TAFA4: variants seen among roughly 807,000 people sequenced by gnomAD.
The protein encoded by TAFA4 is chemokine-like protein TAFA-4.
TAFA4 carries 20 observed loss-of-function variants against 21.1 expected under a neutral mutation model. That is an observed-to-expected ratio of 0.95 (90% CI 0.67 to 1.38). TAFA4 has a LOEUF of 1.38. Ranked by LOEUF, TAFA4 falls within the 40% of genes most tolerant of loss-of-function variation. The pLI is 0.00. For missense variants in TAFA4, 211 were observed against 180.9 expected, an observed-to-expected ratio of 1.17 and a Z score of -0.95; for synonymous variants, 71 against 67.4, an observed-to-expected ratio of 1.05 and a Z score of -0.26.
chr3:68,904,347 C>T lies in TAFA4; in HGVS notation c.-122-19037G>A, dbSNP rs112134038. ...GGAAACCGGGAGAGCCATAGGCTAGCGAGTTGCTCAGTAAACAGCTGTGAG... is the reference window on the plus strand; with the variant it reads ...GGAAACCGGGAGAGCCATAGGCTAGTGAGTTGCTCAGTAAACAGCTGTGAG... On this transcript the variant is annotated intron_variant, in intron 1 of 5. Transcript: ENST00000295569. Among the ~76,000 whole-genome samples, 88 of 152,240 alleles carry T rather than the reference C, an allele frequency of 5.8e-4. 2 individuals carry two copies. Among genetic ancestry groups the T allele is most frequent in the African/African-American group, 2.0e-3 (84 of 41,550 alleles).
At chr3:68,910,851 C>A (rs2089954695) in intron 1 of TAFA4, among the ~76,000 whole-genome samples, 1 of 152,164 alleles carries the variant, frequency 6.6e-6, no homozygotes, top group African/African-American at 2.4e-5. Context: ...ATTGTACCAA[C>A]CTCATAGGTT....
chr3:68,808,190 G>A (rs1703745725), intron 3 of TAFA4, among the ~76,000 whole-genome samples: 1 of 152,130 alleles, frequency 6.6e-6, no homozygotes. Flanking sequence ...GAACACACAG[G>A]AAAGCAGAGT....
intron 3 of TAFA4, among the ~76,000 whole-genome samples, chr3:68,803,794 A>ATTTTTTTTTTTTT (rs1469358679): frequency 1.7e-5 from 1 of 58,798 alleles, no homozygotes; most frequent in African/African-American, 6.3e-5. Flanking sequence ...TACATCTCTG[A>ATTTTTTTTTTTTT]TTCTTTTTTT....
chr3:68,758,842 T>C (rs1014566079), intron 3 of TAFA4, among the ~76,000 whole-genome samples: 2 of 152,184 alleles, frequency 1.3e-5, no homozygotes, highest in African/African-American at 4.8e-5. Flanking sequence ...TAACATTGTA[T>C]TAGTTAAGGT....
At chr3:68,800,032 T>C (rs913408050) in intron 3 of TAFA4, among the ~76,000 whole-genome samples, 1 of 152,084 alleles carries the variant, frequency 6.6e-6, no homozygotes, top group African/African-American at 2.4e-5. Flanking sequence ...TGTTACTGTC[T>C]CCCATTGCCC....
At chr3:68,824,953 T>C (rs1012178718) in intron 3 of TAFA4, among the ~76,000 whole-genome samples, 10 of 152,176 alleles carry the variant, frequency 6.6e-5, no homozygotes, top group African/African-American at 2.4e-4. Context: ...ACTTACCTCT[T>C]GGGTGCAAAG....
In TAFA4 at chr3:68,775,898, A is replaced by G. The variant is rs371282808; in HGVS notation, c.131-22880T>C. On this transcript the variant is annotated intron_variant, in intron 3 of 5. Coordinates refer to ENST00000295569, the MANE Select transcript of TAFA4 (RefSeq NM_182522.5). ...ACACATACTGTCCAGCATTCAATAA[A>G]AAATGATGAGATTCACACAAGAAAG... Among the ~76,000 whole-genome samples, 7 of 152,292 alleles carry G rather than the reference A, an allele frequency of 4.6e-5. No individual in the cohort carries two copies. In the South Asian group the frequency reaches 6.2e-4, roughly 14 times the overall value.
At chr3:68,855,895 A>G (rs1368880379) in intron 3 of TAFA4, among the ~76,000 whole-genome samples, 4 of 152,118 alleles carry the variant, frequency 2.6e-5, no homozygotes, top group South Asian at 2.1e-4. Flanking sequence ...GAAAGAGCCA[A>G]GCTCACTGCC....
At chr3:68,901,834 G>A (rs2089846181) in intron 1 of TAFA4, among the ~76,000 whole-genome samples, 1 of 152,102 alleles carries the variant, frequency 6.6e-6, no homozygotes, top group Non-Finnish European at 1.5e-5. Flanking sequence ...CCAAGGCTTG[G>A]GTTCTTGTCC....
At chr3:68,881,897 T>G (rs1183458848) in intron 2 of TAFA4, among the ~76,000 whole-genome samples, 1 of 152,268 alleles carries the variant, frequency 6.6e-6, no homozygotes, top group East Asian at 1.9e-4. Flanking sequence ...CCCAGTCCCC[T>G]ACTCCACGAA....
intron 1 of TAFA4, among the ~76,000 whole-genome samples, chr3:68,917,061 T>G (rs769842932): frequency 1.3e-5 from 2 of 152,194 alleles, no homozygotes; most frequent in Non-Finnish European, 2.9e-5. Context: ...TCTTCCACCC[T>G]GTATTGCATA....
At chr3:68,837,885 C>A (rs1178464253) in intron 3 of TAFA4, among the ~76,000 whole-genome samples, 1 of 150,992 alleles carries the variant, frequency 6.6e-6, no homozygotes, top group African/African-American at 2.4e-5. Flanking sequence ...TTATTTAATT[C>A]TTTTTTAATT....
intron 4 of TAFA4, among the ~76,000 whole-genome samples, chr3:68,747,082 C>T (rs990396294): frequency 2.6e-5 from 4 of 152,158 alleles, no homozygotes; most frequent in African/African-American, 7.2e-5. Context: ...TAACTCAAAA[C>T]GAGAGGTTGT....
At position 68,813,180 on chromosome 3, in the gene TAFA4, G is replaced by A. The variant is rs533431386; in HGVS notation, c.131-60162C>T. On this transcript the variant is annotated intron_variant, in intron 3 of 5. Coordinates refer to ENST00000295569, the MANE Select transcript of TAFA4 (RefSeq NM_182522.5). ...CTCTGGGACACATTCAAAGCAGTGT[G>A]TAGAGGGAAATTTATAGCACTAAAT... Among the ~76,000 whole-genome samples, 4 of 152,128 alleles carry A rather than the reference G, an allele frequency of 2.6e-5. No individual in the cohort carries two copies. The South Asian group carries it at 8.4e-4, about 32-fold the overall frequency.
At chr3:68,885,556 G>A (rs2106957508) in intron 1 of TAFA4, among the ~76,000 whole-genome samples, 1 of 152,254 alleles carries the variant, frequency 6.6e-6, no homozygotes, top group Admixed American at 6.5e-5. Flanking sequence ...AGAACTTTCT[G>A]CAGCAGGAAG....
chr3:68,911,414 C>T (rs1009009252), intron 1 of TAFA4, among the ~76,000 whole-genome samples: 1 of 152,230 alleles, frequency 6.6e-6, no homozygotes, highest in Admixed American at 6.5e-5. Context: ...ACTTATGTGT[C>T]AAGCACTGTG....
chr3:68,837,684 A>G (rs893253474), intron 3 of TAFA4, among the ~76,000 whole-genome samples: 1 of 152,194 alleles, frequency 6.6e-6, no homozygotes, highest in African/African-American at 2.4e-5. Context: ...TAGAAATATT[A>G]TTTTTAAAAA....
intron 3 of TAFA4, among the ~76,000 whole-genome samples, chr3:68,788,569 C>T (rs1703304212): frequency 6.6e-6 from 1 of 152,122 alleles, no homozygotes. Flanking sequence ...AGCTTTTCAC[C>T]TATGTTTTCC....
At chr3:68,841,760 T>C (rs546398872) in intron 3 of TAFA4, among the ~76,000 whole-genome samples, 4 of 151,984 alleles carry the variant, frequency 2.6e-5, no homozygotes, top group Admixed American at 6.6e-5. Flanking sequence ...TGTGTTCTCA[T>C]TGTTCAACTC....
Sources: allele counts gnomAD v4.1 joint callset (sites outside exome capture counted in the v4.1 genomes callset), GRCh38; gene constraint gnomAD v4.1.1; transcripts MANE v1.5; gene names NCBI Gene and HGNC (gene_info 2026-07-23, HGNC 2026-07-21).